OSBPL10: variants seen among roughly 807,000 people sequenced by gnomAD.
The protein encoded by OSBPL10 is oxysterol-binding protein-related protein 10.
A neutral mutation model predicts 81.7 loss-of-function variants in OSBPL10; 49 were observed. The ratio of observed to expected loss-of-function variants is 0.60; its 90% CI spans 0.48 to 0.76. The LOEUF (loss-of-function observed/expected upper bound fraction) is 0.76, where lower values mean the gene tolerates loss of function less well. OSBPL10 is among the 30% of genes least tolerant of loss of function. The probability of loss-of-function intolerance (pLI) is 0.00; values close to 1 mark genes in which losing one functional copy is unlikely to be tolerated. For missense variants in OSBPL10, 923 were observed against 987.8 expected (o/e 0.93, Z 0.88); for synonymous variants, 419 against 383.6 (o/e 1.09, Z -1.08).
At chr3:31,981,625 G>A (rs1698846528), upstream of OSBPL10, 1 of 159,454 alleles carries the variant, frequency 6.3e-6, no homozygotes, top group Admixed American at 6.5e-5. The surrounding 1 kb of genome is among the most constrained non-coding windows in gnomAD (Gnocchi z 4.5). Context: ...TGGATCCGAA[G>A]GGGCGAAAGG....
intron 4 of OSBPL10, among the ~76,000 whole-genome samples, chr3:31,753,734 C>T (rs1316631602): frequency 1.3e-5 from 2 of 152,182 alleles, no homozygotes; most frequent in Non-Finnish European, 2.9e-5. Flanking sequence ...AAAATCCTTG[C>T]CTTGTTGTTT....
At chr3:31,880,781 C>CG (rs1695551452) in intron 1 of OSBPL10, among the ~76,000 whole-genome samples, 1 of 152,196 alleles carries the variant, frequency 6.6e-6, no homozygotes. Context: ...CAAATTTTGA[C>CG]GGTCTACAAA....
chr3:31,915,842 C>G (rs1465983580), intron 1 of OSBPL10, among the ~76,000 whole-genome samples: 1 of 152,024 alleles, frequency 6.6e-6, no homozygotes, highest in African/African-American at 2.4e-5. Context: ...GCCTGTAATC[C>G]CAGCACTTTG....
At chr3:31,793,273 C>G (rs1389587831) in intron 4 of OSBPL10, among the ~76,000 whole-genome samples, 1 of 152,200 alleles carries the variant, frequency 6.6e-6, no homozygotes, top group African/African-American at 2.4e-5. Context: ...CCTAAAATAG[C>G]TGCAAGAGCA....
At chr3:31,769,094 C>G (rs1698282259) in intron 4 of OSBPL10, among the ~76,000 whole-genome samples, 1 of 151,978 alleles carries the variant, frequency 6.6e-6, no homozygotes, top group Non-Finnish European at 1.5e-5. Flanking sequence ...AGAAGTGGTA[C>G]CCAAATGGTC....
chr3:31,988,912 G>A, intron 2 of OSBPL10: 2 of 806,666 alleles, frequency 2.5e-6, no homozygotes, highest in East Asian at 5.3e-5. Context: ...CCCAGCTGAA[G>A]TGCCTCCAAA....
intron 4 of OSBPL10, among the ~76,000 whole-genome samples, chr3:31,756,810 G>T (rs1304296499): frequency 6.6e-6 from 1 of 152,180 alleles, no homozygotes; most frequent in Non-Finnish European, 1.5e-5. Context: ...TTTAAAATAG[G>T]GGGAAACCTC....
intron 2 of OSBPL10, among the ~76,000 whole-genome samples, chr3:32,000,482 G>A (rs1286335559): frequency 6.6e-6 from 1 of 152,192 alleles, no homozygotes; most frequent in Non-Finnish European, 1.5e-5. Flanking sequence ...AGGGCGAAAT[G>A]AAATTGTAAG....
intron 4 of OSBPL10, among the ~76,000 whole-genome samples, chr3:31,803,300 G>A (rs1245569608): frequency 6.6e-6 from 1 of 152,174 alleles, no homozygotes; most frequent in African/African-American, 2.4e-5. Context: ...CTTCTAGGGA[G>A]GAACAGTGAT....
intron 1 of OSBPL10, among the ~76,000 whole-genome samples, chr3:31,955,749 C>T (rs1697989492): frequency 6.6e-6 from 1 of 152,208 alleles, no homozygotes; most frequent in African/African-American, 2.4e-5. Flanking sequence ...AGCCCAGCTT[C>T]TAGTCTACAG....
At chr3:31,994,828 A>G (rs1290948508) in intron 2 of OSBPL10, among the ~76,000 whole-genome samples, 1 of 152,208 alleles carries the variant, frequency 6.6e-6, no homozygotes, top group Non-Finnish European at 1.5e-5. Context: ...CTTGCCCCCA[A>G]TATTTCAACG....
chr3:31,791,390 G>A lies in OSBPL10; in HGVS notation c.729+38650C>T, dbSNP rs533722433. ...ACGTAACTGAAAGGAGTTGAAGTCT[G>A]TGGACAGAGTTATAAAGAAAGACTA... On this transcript the variant is annotated intron_variant, in intron 4 of 11. Coordinates refer to ENST00000396556, the MANE Select transcript of OSBPL10 (RefSeq NM_017784.5). Among the ~76,000 whole-genome samples, 20 of 152,304 alleles carry A rather than the reference G, an allele frequency of 1.3e-4. 1 individual carries two copies. The South Asian group carries it at 3.3e-3, about 25-fold the overall frequency.
At chr3:31,799,379 T>TAAA (rs61157535) in intron 4 of OSBPL10, among the ~76,000 whole-genome samples, 2,185 of 56,158 alleles carry the variant, frequency 0.039, 171 homozygotes, top group East Asian at 0.051. Flanking sequence ...CCTATCTCTT[T>TAAA]AAAAAAAAAA....
chr3:31,682,949 G>A (rs1393982323), intron 8 of OSBPL10, among the ~76,000 whole-genome samples: 1 of 152,146 alleles, frequency 6.6e-6, no homozygotes, highest in African/African-American at 2.4e-5. Flanking sequence ...CAAATTTGGA[G>A]TTAGATTCCT....
intron 2 of OSBPL10, among the ~76,000 whole-genome samples, chr3:32,042,521 T>G (rs1428124964): frequency 1.3e-5 from 2 of 152,288 alleles, no homozygotes; most frequent in Non-Finnish European, 2.9e-5. Context: ...CTGACTTGTG[T>G]AAGATTTAGT....
chr3:31,895,975 C>A (rs1054304255), intron 1 of OSBPL10, among the ~76,000 whole-genome samples: 1 of 152,170 alleles, frequency 6.6e-6, no homozygotes, highest in Admixed American at 6.5e-5. Flanking sequence ...TTCAACACTG[C>A]TGCTATATCC....
intron 1 of OSBPL10, among the ~76,000 whole-genome samples, chr3:31,922,356 C>A (rs1696940671): frequency 6.6e-6 from 1 of 152,142 alleles, no homozygotes; most frequent in African/African-American, 2.4e-5. Context: ...CAGTGGCTCA[C>A]GCCTGTAATC....
chr3:31,751,521 C>G (rs1304240655), intron 4 of OSBPL10, among the ~76,000 whole-genome samples: 1 of 152,148 alleles, frequency 6.6e-6, no homozygotes, highest in East Asian at 1.9e-4. Flanking sequence ...AACTACGGCA[C>G]TGAAAGCATA....
chr3:31,916,586 CCA>C (rs1382341663), intron 1 of OSBPL10, among the ~76,000 whole-genome samples: 4 of 152,160 alleles, frequency 2.6e-5, no homozygotes, highest in Non-Finnish European at 2.9e-5. Flanking sequence ...TGATCATTTT[CCA>C]CAGTCCATGG....
Sources: allele counts gnomAD v4.1 joint callset (sites outside exome capture counted in the v4.1 genomes callset), GRCh38; gene constraint gnomAD v4.1.1; non-coding constraint Gnocchi (gnomAD v3.1); transcripts MANE v1.5; gene names NCBI Gene and HGNC (gene_info 2026-07-23, HGNC 2026-07-21).